The following ECE2 variants were observed in gnomAD, a reference collection of about 807,000 sequenced individuals.
ECE2 encodes the protein endothelin-converting enzyme 2.
Under a neutral mutation model 100.6 loss-of-function variants are expected in ECE2, and 81 were observed. The observed-to-expected ratio is 0.81, with a 90% CI of 0.67 to 0.97. ECE2 has a LOEUF of 0.97. Ranked by LOEUF, ECE2 falls within the 50% of genes least tolerant of loss-of-function variation. ECE2 has a pLI of 0.00. For synonymous variants in ECE2, 391 were observed against 391.5 expected, an observed-to-expected ratio of 1.00 and a Z score of 0.02; for missense variants, 911 against 988.1, an observed-to-expected ratio of 0.92 and a Z score of 1.05.
Position 184,290,595 on chromosome 3 carries a change from T to C in ECE2, c.1694T>C (p.Leu565Pro). ...MTPQTVNAYY[L>P]PTKNEIVFPA... Reference sequence around the variant, plus strand: ...CCCCAGACAGTGAATGCCTACTACCTTCCAACTAAGAATGAGATCGTCTTC... The same window carrying C: ...CCCCAGACAGTGAATGCCTACTACCCTCCAACTAAGAATGAGATCGTCTTC... The change falls in exon 15 of 19, where the codon CTT becomes CCT. Residue 565 changes from leucine (L) to proline (P), a missense_variant. Leu to Pro is a moderately conservative substitution (Grantham distance 98). Coordinates refer to ENST00000404464, the MANE Select transcript of ECE2 (RefSeq NM_001100121.2). 5 of 1,614,138 alleles carry C rather than the reference T, an allele frequency of 3.1e-6. No homozygotes were observed. The highest frequency in any genetic ancestry group is 1.1e-5 in the South Asian group (1 of 91,080).
chr3:184,276,217 G>A (rs1051634691), intron 1 of ECE2, 25 bp downstream of exon 1: 1 of 1,441,280 alleles, frequency 6.9e-7, no homozygotes, highest in Non-Finnish European at 9.1e-7. Context: ...CGGGCTCCAC[G>A]GGAGGGGACT....
At position 184,290,605 on chromosome 3, in the gene ECE2, G is replaced by A; in HGVS notation, c.1704G>A (p.Lys568=). ...QTVNAYYLPT[K]NEIVFPAGIL... ...TGAATGCCTACTACCTTCCAACTAAGAATGAGATCGTCTTCCCCGCTGGCA... is the reference window on the plus strand; with the variant it reads ...TGAATGCCTACTACCTTCCAACTAAAAATGAGATCGTCTTCCCCGCTGGCA... Residue 568 remains lysine (K), a synonymous_variant, in exon 15 of 19, where the codon AAG becomes AAA. Transcript: ENST00000404464. 6.2e-7 allele frequency: 1 copy of A among 1,614,184 alleles called. No homozygotes were observed. The highest frequency in any genetic ancestry group is 2.2e-5 in the East Asian group (1 of 44,880).
chr3:184,277,242 C>G lies in ECE2; in HGVS notation c.263-9C>G. On this transcript the variant is annotated splice_polypyrimidine_tract_variant and intron_variant, in intron 3 of 18. Transcript: ENST00000404464. ...GTCTCCTACCCTCCGGCCATGTTCC[C>G]TACCACAGACCCATCCCACAGCACC... 1 of 1,614,222 alleles carries G rather than the reference C, an allele frequency of 6.2e-7. No individual in the cohort carries two copies. Among genetic ancestry groups the G allele is most frequent in the Middle Eastern group, 1.6e-4 (1 of 6,062 alleles).
At chr3:184,283,358 C>T (rs56172794) in intron 7 of ECE2, among the ~76,000 whole-genome samples, 83,371 of 150,952 alleles carry the variant, frequency 0.55, 23,616 homozygotes, top group African/African-American at 0.67. Context: ...GTCAGGAGTT[C>T]GAGACCAGCC....
Position 184,290,237 on chromosome 3 carries a change from T to C in ECE2, c.1552-18T>C. 1 of 1,599,418 alleles carries C rather than the reference T, an allele frequency of 6.3e-7. No individual in the cohort carries two copies. The highest frequency in any genetic ancestry group is 8.6e-7 in the Non-Finnish European group (1 of 1,168,160). ...ATGGATTCTCTTGCTCTCTTTCTAC[T>C]TCCCACCTTTCCCACAGTACGAAAT... On this transcript the variant is annotated intron_variant, in intron 13 of 18. Coordinates refer to ENST00000404464, the MANE Select transcript of ECE2 (RefSeq NM_001100121.2).
chr3:184,278,828 C>A, intron 7 of ECE2: 1 of 506,928 alleles, frequency 2.0e-6, no homozygotes, highest in Non-Finnish European at 3.5e-6. Context: ...ATATAAGTTT[C>A]CGAGCCATTG....
chr3:184,284,332 TG>T (rs1427805041), intron 8 of ECE2, among the ~76,000 whole-genome samples: 1 of 151,966 alleles, frequency 6.6e-6, no homozygotes, highest in Non-Finnish European at 1.5e-5. Context: ...CGCCTGAGGT[TG>T]GGAGTTCAAG....
intron 8 of ECE2, 111 bp downstream of exon 8, chr3:184,284,084 T>G: frequency 7.4e-7 from 1 of 1,353,036 alleles, no homozygotes; most frequent in South Asian, 1.4e-5. Flanking sequence ...CCTCATTCCC[T>G]TGCTTTTCTG....
At chr3:184,290,047 G>A (rs1231231472) in intron 13 of ECE2, among the ~76,000 whole-genome samples, 1 of 152,008 alleles carries the variant, frequency 6.6e-6, no homozygotes, top group Admixed American at 6.5e-5. Context: ...TTCCTCATAG[G>A]GTTGTTGTGA....
Position 184,285,435 on chromosome 3 carries a change from G to T in ECE2, c.1149-43G>T, listed in dbSNP as rs555769754. 459 of 1,454,384 alleles carry T rather than the reference G, an allele frequency of 3.2e-4. 4 individuals carry two copies. The South Asian group carries it at 5.0e-3, about 16-fold the overall frequency. 90.1% of individuals were successfully genotyped at this position (1,454,384 alleles called of 1,614,324 possible). A position where few individuals can be genotyped will look rare whatever the true frequency, so the allele number is the denominator to read the frequency against. On this transcript the variant is annotated intron_variant, in intron 9 of 18. Coordinates refer to ENST00000404464, the MANE Select transcript of ECE2 (RefSeq NM_001100121.2). Reference sequence around the variant, plus strand: ...GGGGCTGGTTTGAGGGGTGTGAAGGGCATCCCACCTGCCCTTTTCTTATTT... The same window carrying T: ...GGGGCTGGTTTGAGGGGTGTGAAGGTCATCCCACCTGCCCTTTTCTTATTT...
chr3:184,286,947 C>G (rs914074760), intron 10 of ECE2, among the ~76,000 whole-genome samples: 4 of 151,434 alleles, frequency 2.6e-5, no homozygotes, highest in African/African-American at 9.7e-5. Flanking sequence ...ATCATTTTCC[C>G]CGTCCACTTG....
At chr3:184,285,912 G>A (rs1454734465) in intron 10 of ECE2, among the ~76,000 whole-genome samples, 1 of 152,204 alleles carries the variant, frequency 6.6e-6, no homozygotes, top group Admixed American at 6.5e-5. Context: ...TAGGCACTCG[G>A]CTTTGATGAG....
In ECE2 at chr3:184,289,748, T is replaced by C. The variant is rs752264723; in HGVS notation, c.1551+30T>C. On this transcript the variant is annotated intron_variant, in intron 13 of 18. Transcript: ENST00000404464. This position sits in a 1 kb window ranked among gnomAD's most constrained non-coding sequence, Gnocchi z 4.1. ...GTACCTACGCTCATCAGTACTGAAC[T>C]TCAGCCCTGTAGAGGGCACTGTTCC... 2 of 1,576,782 alleles carry C rather than the reference T, an allele frequency of 1.3e-6. No individual in the cohort carries two copies. Among genetic ancestry groups the C allele is most frequent in the Non-Finnish European group, 1.7e-6 (2 of 1,158,594 alleles).
Position 184,276,485 on chromosome 3 carries a change from TGGAGTACAAAC to T in ECE2, c.47_57del (p.Glu16GlyfsTer6). 1.2e-6 allele frequency: 2 copies of T among 1,608,782 alleles called. No homozygotes were observed. Among genetic ancestry groups the T allele is most frequent in the Non-Finnish European group, 1.7e-6 (2 of 1,179,042 alleles). ...GCAACCCCGACTGTCTGGCAGATGG[TGGAGTACAAAC>T]GGGCCACGCTTCGGGATGAAGACGC... On this transcript the variant is annotated frameshift_variant, in exon 2 of 19. Transcript: ENST00000404464. LOFTEE classifies it high-confidence loss of function.
chr3:184,278,798 T>C (rs113018826), intron 7 of ECE2: 4 of 552,202 alleles, frequency 7.2e-6, no homozygotes, highest in African/African-American at 5.7e-5. Flanking sequence ...GTGTGCCAGG[T>C]CCAGTGGGGG....
At chr3:184,288,114 GC>G (rs1275015902) in intron 11 of ECE2, among the ~76,000 whole-genome samples, 167 bp downstream of exon 11, 1 of 152,008 alleles carries the variant, frequency 6.6e-6, no homozygotes, top group East Asian at 1.9e-4. Flanking sequence ...TTCGAGACCA[GC>G]CTGGCCAACA....
At position 184,290,871 on chromosome 3, in the gene ECE2, A is replaced by G; in HGVS notation, c.1834+11A>G. The G allele has an allele frequency of 6.2e-7, 1 of 1,614,170 alleles. No individual in the cohort carries two copies. Among genetic ancestry groups the G allele is most frequent in the Non-Finnish European group, 8.5e-7 (1 of 1,180,034 alleles). ...CCTTTGATGACCAAGGTAGGGGCCC[A>G]TGGAGTCGTCCCCTCTAGCCTAGAA... On this transcript the variant is annotated intron_variant, in intron 16 of 18. Transcript: ENST00000404464.
In ECE2 at chr3:184,291,827, G is replaced by A; in HGVS notation, c.2122-235G>A. ...CTGCCCAGGAATAGAGTAAGTGGCA[G>A]AGCAAGGACCCAGGCAGAGCCTCCG... On this transcript the variant is annotated intron_variant, in intron 18 of 18. Transcript: ENST00000404464. This position sits in a 1 kb window ranked among gnomAD's most constrained non-coding sequence, Gnocchi z 4.1. The A allele has an allele frequency of 1.8e-6, 1 of 568,304 alleles. No homozygotes were observed. Among genetic ancestry groups the A allele is most frequent in the Admixed American group, 3.1e-5 (1 of 32,486 alleles). 35.2% of individuals were successfully genotyped at this position (568,304 alleles called of 1,614,324 possible). A position where few individuals can be genotyped will look rare whatever the true frequency, so the allele number is the denominator to read the frequency against.
In ECE2 at chr3:184,289,443, G is replaced by C. The variant is rs1178144636; in HGVS notation, c.1381G>C (p.Gly461Arg). The C allele has an allele frequency of 1.2e-6, 2 of 1,605,752 alleles. No individual in the cohort carries two copies. Among genetic ancestry groups the C allele is most frequent in the South Asian group, 2.2e-5 (2 of 89,616 alleles). Residue 461 changes from glycine (G) to arginine (R), a missense_variant, in exon 12 of 19, where the codon GGG becomes CGG. Transcript: ENST00000404464. This position sits in a 1 kb window ranked among gnomAD's most constrained non-coding sequence, Gnocchi z 4.1. ...TTTACCTCCTCCCTCCCAGGCAGAG[G>C]GGATGATCAGCGAAATCCGGACCGC... Reference protein sequence around the residue: ...FDRQSKEIAEGMISEIRTAFE... With the variant: ...FDRQSKEIAERMISEIRTAFE...
Sources: gnomAD v4.1 joint callset for allele counts (sites outside exome capture counted in the v4.1 genomes callset) on GRCh38, gnomAD v4.1.1 for gene constraint, Gnocchi (gnomAD v3.1) non-coding constraint, MANE v1.5 for transcripts, NCBI Gene and HGNC (gene_info 2026-07-23, HGNC 2026-07-21) for gene names.